AUTS2: variants seen among roughly 807,000 people sequenced by gnomAD.
AUTS2 encodes autism susceptibility gene 2 protein.
A neutral mutation model predicts 112.4 loss-of-function variants in AUTS2; 17 were observed. That is an observed-to-expected ratio of 0.15 (90% CI 0.10 to 0.23). AUTS2 has a LOEUF of 0.23. Ranked by LOEUF, AUTS2 falls within the 10% of genes least tolerant of loss-of-function variation. The probability of loss-of-function intolerance (pLI) is 1.00; values close to 1 mark genes in which losing one functional copy is unlikely to be tolerated. For synonymous variants in AUTS2, 751 were observed against 702.7 expected (o/e 1.07, Z -1.09); for missense variants, 1,510 against 1,701.6 (o/e 0.89, Z 1.98).
intron 5 of AUTS2, among the ~76,000 whole-genome samples, chr7:70,597,216 G>C (rs1026057042): frequency 2.0e-5 from 3 of 152,202 alleles, no homozygotes; most frequent in Non-Finnish European, 2.9e-5. Context: ...AAGACTTTCA[G>C]CTGCTAATTC....
rs770222247 is a variant in AUTS2 at position 70,747,988 on chromosome 7, ATT to A, written c.743-14862_743-14861del. ...AGGCACCTGCCACCACGCCCAGCCA[ATT>A]TTTTTTTTTTTTTTTTTTTAGTAGA... On this transcript the variant is annotated intron_variant, in intron 6 of 18. Transcript: ENST00000342771. Among the ~76,000 whole-genome samples, 760 of 108,494 alleles carry A rather than the reference ATT, an allele frequency of 7.0e-3. 10 individuals are homozygous for A. The highest frequency in any genetic ancestry group is 0.028 in the African/African-American group (723 of 25,582). 71.2% of individuals were successfully genotyped at this position (108,494 alleles called of 152,430 possible).
chr7:70,264,256 G>A (rs1021458082), intron 4 of AUTS2, among the ~76,000 whole-genome samples: 1 of 152,160 alleles, frequency 6.6e-6, no homozygotes, highest in African/African-American at 2.4e-5. Flanking sequence ...TTGCCAGACT[G>A]CAGTACAGTG....
At chr7:69,786,617 G>A (rs763581819) in intron 1 of AUTS2, among the ~76,000 whole-genome samples, 4 of 152,120 alleles carry the variant, frequency 2.6e-5, no homozygotes, top group East Asian at 3.9e-4. Flanking sequence ...CACTCACCAC[G>A]AAGGTCTGTG....
intron 2 of AUTS2, among the ~76,000 whole-genome samples, chr7:69,988,803 C>A (rs1798618426): frequency 6.6e-6 from 1 of 152,098 alleles, no homozygotes; most frequent in Admixed American, 6.5e-5. Context: ...GTTTAATTTC[C>A]CGTACTCGTG....
At chr7:70,340,525 A>G (rs1791217415) in intron 4 of AUTS2, among the ~76,000 whole-genome samples, 1 of 152,156 alleles carries the variant, frequency 6.6e-6, no homozygotes, top group South Asian at 2.1e-4. Context: ...ATAAGTAATT[A>G]AGAATACACT....
chr7:70,376,276 A>G (rs770572119), intron 4 of AUTS2, among the ~76,000 whole-genome samples: 3 of 152,026 alleles, frequency 2.0e-5, no homozygotes, highest in South Asian at 2.1e-4. Flanking sequence ...CTTAATTCCT[A>G]TTTTCATTTT....
intron 5 of AUTS2, among the ~76,000 whole-genome samples, chr7:70,455,390 C>T (rs969479288): frequency 1.3e-5 from 2 of 152,052 alleles, no homozygotes; most frequent in South Asian, 2.1e-4. Context: ...TGAAGATGCC[C>T]GCAGCATCTG....
At chr7:70,266,105 C>T (rs980874495) in intron 4 of AUTS2, among the ~76,000 whole-genome samples, 1 of 152,138 alleles carries the variant, frequency 6.6e-6, no homozygotes, top group Non-Finnish European at 1.5e-5. Flanking sequence ...TTTATAGTAC[C>T]ATCATTCATA....
At chr7:70,318,068 T>G (rs1790082567) in intron 4 of AUTS2, among the ~76,000 whole-genome samples, 2 of 152,168 alleles carry the variant, frequency 1.3e-5, no homozygotes, top group African/African-American at 4.8e-5. Context: ...TTTAAAGCTT[T>G]TTCAAGGATT....
Position 70,763,188 on chromosome 7 carries a change from C to G in AUTS2, c.1061C>G (p.Pro354Arg), listed in dbSNP as rs545795149. The G allele has an allele frequency of 3.1e-6, 5 of 1,613,910 alleles. No individual in the cohort carries two copies. In the Admixed American group the frequency reaches 5.0e-5, roughly 16 times the overall value. Residue 354 changes from proline (P) to arginine (R), a missense_variant, in exon 7 of 19, where the codon CCG becomes CGG. This residue lies in a region of AUTS2 where 535 missense variants were observed against 594.3 expected (regional missense o/e 0.90). Transcript: ENST00000342771. The stretch of plus-strand genomic sequence containing the variant: ...CCTGAGGCCCAGCTCCAGCCTGCCC[C>G]GCAGCCTCAGGTGCAGAGGCCACCC... ...GPPEAQLQPA[P>R]QPQVQRPPRP... is the part of the protein sequence containing the mutation.
chr7:69,914,384 C>CAT (rs1220292159), intron 2 of AUTS2, among the ~76,000 whole-genome samples: 1 of 151,238 alleles, frequency 6.6e-6, no homozygotes, highest in Non-Finnish European at 1.5e-5. Flanking sequence ...CACACACACA[C>CAT]ACACACACAC....
intron 1 of AUTS2, among the ~76,000 whole-genome samples, chr7:69,751,299 C>G (rs889698419): frequency 6.6e-6 from 1 of 152,170 alleles, no homozygotes; most frequent in Non-Finnish European, 1.5e-5. Flanking sequence ...CATTCTGGGT[C>G]TGGCAGATTG....
At chr7:70,089,476 A>G (rs1803793295) in intron 2 of AUTS2, among the ~76,000 whole-genome samples, 1 of 151,638 alleles carries the variant, frequency 6.6e-6, no homozygotes, top group African/African-American at 2.4e-5. Context: ...CATTTAACCT[A>G]TTTGTGTCCT....
chr7:70,085,522 C>T (rs1377225104), intron 2 of AUTS2, among the ~76,000 whole-genome samples: 1 of 152,036 alleles, frequency 6.6e-6, no homozygotes, highest in East Asian at 1.9e-4. Context: ...CCCGCCACCA[C>T]ACCCAGCTAA....
At chr7:69,773,523 G>A (rs1788760789) in intron 1 of AUTS2, among the ~76,000 whole-genome samples, 1 of 151,500 alleles carries the variant, frequency 6.6e-6, no homozygotes, top group South Asian at 2.1e-4. Context: ...TGGGGAAAGG[G>A]TGGGCTACAA....
At chr7:70,730,419 C>T (rs1787312680) in intron 6 of AUTS2, among the ~76,000 whole-genome samples, 1 of 152,138 alleles carries the variant, frequency 6.6e-6, no homozygotes, top group South Asian at 2.1e-4. Flanking sequence ...ACCCCTCATC[C>T]TCCCAATCCC....
At chr7:70,252,836 A>C (rs1485526154) in intron 4 of AUTS2, among the ~76,000 whole-genome samples, 4 of 152,154 alleles carry the variant, frequency 2.6e-5, no homozygotes, top group African/African-American at 9.6e-5. Context: ...CAGTTATTAA[A>C]GAGACTATCT....
At chr7:70,144,865 A>T (rs1444475167) in intron 4 of AUTS2, among the ~76,000 whole-genome samples, 6 of 152,110 alleles carry the variant, frequency 3.9e-5, no homozygotes, top group Non-Finnish European at 8.8e-5. Context: ...ATACTGTTAC[A>T]TCTTTTTTAT....
intron 6 of AUTS2, among the ~76,000 whole-genome samples, chr7:70,717,372 G>A (rs984050281): frequency 6.6e-6 from 1 of 151,950 alleles, no homozygotes. Context: ...TTGTAGAGAT[G>A]GGGTCTTGCT....
Sources: allele counts gnomAD v4.1 joint callset (sites outside exome capture counted in the v4.1 genomes callset), GRCh38; gene constraint gnomAD v4.1.1; regional missense constraint gnomAD v4.1.1; transcripts MANE v1.5; gene names NCBI Gene and HGNC (gene_info 2026-07-23, HGNC 2026-07-21).